Variants in SMAD7 observed in about 807,000 individuals in gnomAD.
SMAD7 encodes MAD (mothers against decapentaplegic, Drosophila) homolog 7.
Under a neutral mutation model 38.7 loss-of-function variants are expected in SMAD7, and 8 were observed. The observed-to-expected ratio is 0.21, with a 90% confidence interval of 0.12 to 0.37. The LOEUF (loss-of-function observed/expected upper bound fraction) is 0.37. SMAD7 is among the 10% of genes least tolerant of loss of function. SMAD7 has a pLI of 1.00. For missense variants in SMAD7, 477 were observed against 577.9 expected, an observed-to-expected ratio of 0.83 and a Z score of 1.79; for synonymous variants, 327 against 265.1, an observed-to-expected ratio of 1.23 and a Z score of -2.27.
In SMAD7 at chr18:48,921,051, A is replaced by G; in HGVS notation, c.*321T>C. The G allele has an allele frequency of 2.8e-6, 1 of 359,094 alleles. No individual in the cohort carries two copies. Among genetic ancestry groups the G allele is most frequent in the Non-Finnish European group, 5.2e-6 (1 of 194,070 alleles). The allele number at this position is 359,094 out of a possible 1,614,324, so 22.2% of individuals were successfully genotyped here. A position where few individuals can be genotyped will look rare whatever the true frequency, so the allele number is the denominator to read the frequency against. On this transcript the variant is annotated 3_prime_UTR_variant, in exon 4 of 4. Coordinates refer to ENST00000262158, the MANE Select transcript of SMAD7 (RefSeq NM_005904.4). The surrounding 1 kb of genome is among the most constrained non-coding windows in gnomAD (Gnocchi z 6.4). ...ACTCACACACACTCCTGACAAGTGA[A>G]ATGATGACCGCCCCCCTTCATACAC...
At chr18:48,931,953 G>A (rs943758591) in intron 3 of SMAD7, among the ~76,000 whole-genome samples, 8 of 147,344 alleles carry the variant, frequency 5.4e-5, no homozygotes, top group African/African-American at 2.1e-4. Context: ...CAGGCCCCAC[G>A]ATCCTGGGCT....
intron 3 of SMAD7, among the ~76,000 whole-genome samples, chr18:48,927,928 C>T (rs1032791221): frequency 1.3e-5 from 2 of 152,180 alleles, no homozygotes; most frequent in African/African-American, 2.4e-5. Flanking sequence ...AGTCACTGGC[C>T]GAAGTGCAGA....
chr18:48,947,896 C>A (rs1005749076), intron 2 of SMAD7, among the ~76,000 whole-genome samples: 3 of 145,302 alleles, frequency 2.1e-5, no homozygotes, highest in African/African-American at 5.4e-5. Flanking sequence ...GAACCTACCC[C>A]CCCCCCCCTT....
intron 3 of SMAD7, among the ~76,000 whole-genome samples, chr18:48,940,429 T>C (rs2070123772): frequency 6.6e-6 from 1 of 152,078 alleles, no homozygotes; most frequent in Non-Finnish European, 1.5e-5. Context: ...AGTTTCTTTC[T>C]AGGACTGGAA....
chr18:48,925,565 G>A (rs922113331), intron 3 of SMAD7, among the ~76,000 whole-genome samples: 8 of 152,110 alleles, frequency 5.3e-5, no homozygotes, highest in Admixed American at 5.2e-4. Context: ...CACTTAGCAA[G>A]GAGCTCCCTG....
At chr18:48,932,384 C>T (rs888036661) in intron 3 of SMAD7, among the ~76,000 whole-genome samples, 5 of 152,160 alleles carry the variant, frequency 3.3e-5, no homozygotes, top group Non-Finnish European at 7.3e-5. Flanking sequence ...CAGATCAAAA[C>T]GTAAGAAAGC....
At position 48,940,908 on chromosome 18, in the gene SMAD7, G is replaced by A. The variant is rs117516150; in HGVS notation, c.742+1573C>T. Among the ~76,000 whole-genome samples, 629 of 152,208 alleles carry A rather than the reference G, an allele frequency of 4.1e-3. 3 individuals carry two copies. Among genetic ancestry groups the A allele is most frequent in the Middle Eastern group, 6.8e-3 (2 of 294 alleles). ...GCACTCAGGCTGGTATCTCAGCCTG[G>A]TGTCGTCATTTCCTCCGGCAGGGGA... is the stretch of plus-strand genomic sequence containing the variant. On this transcript the variant is annotated intron_variant, in intron 3 of 3. Transcript: ENST00000262158.
intron 3 of SMAD7, among the ~76,000 whole-genome samples, chr18:48,939,477 G>C (rs1031275946): frequency 2.1e-5 from 3 of 141,442 alleles, no homozygotes; most frequent in African/African-American, 7.9e-5. Context: ...CCTTCCTCCC[G>C]GGCAGTTTGC....
rs867010056 is a variant in SMAD7 at position 48,929,575 on chromosome 18, A to T, written c.743-7665T>A. Among the ~76,000 whole-genome samples, 380 of 114,104 alleles carry T rather than the reference A, an allele frequency of 3.3e-3. 4 individuals are homozygous for T. Among genetic ancestry groups the T allele is most frequent in the African/African-American group, 0.014 (365 of 26,610 alleles). The allele number at this position is 114,104 out of a possible 152,430, so 74.9% of individuals were successfully genotyped here. ...TTCTCTCTCTCTCTCTCTCTCACTC[A>T]CACACACACACACACACACACACGT... On this transcript the variant is annotated intron_variant, in intron 3 of 3. Transcript: ENST00000262158.
At chr18:48,923,882 G>A (rs1327027678) in intron 3 of SMAD7, among the ~76,000 whole-genome samples, 1 of 152,236 alleles carries the variant, frequency 6.6e-6, no homozygotes, top group Non-Finnish European at 1.5e-5. Flanking sequence ...GACAGGGACA[G>A]GGAGAAGGTG....
chr18:48,930,152 G>C (rs1437043391), intron 3 of SMAD7: 1 of 152,074 alleles, frequency 6.6e-6, no homozygotes, highest in Non-Finnish European at 1.5e-5. Flanking sequence ...CCAATACCAG[G>C]GCCTGGCCAG....
intron 2 of SMAD7, among the ~76,000 whole-genome samples, chr18:48,943,590 A>G (rs2070165694): frequency 6.6e-6 from 1 of 152,194 alleles, no homozygotes; most frequent in Non-Finnish European, 1.5e-5. Context: ...CTGAAGTCCT[A>G]GCGGAGAGCC....
At chr18:48,949,229 C>A (rs2070232248) in intron 1 of SMAD7, 1 of 962,790 alleles carries the variant, frequency 1.0e-6, no homozygotes, top group South Asian at 4.8e-5. Context: ...AGACAGATAC[C>A]CAGTTCGGCC....
intron 2 of SMAD7, chr18:48,942,915 C>G: frequency 2.5e-6 from 1 of 403,728 alleles, no homozygotes; most frequent in Non-Finnish European, 3.7e-6. Context: ...GCTCTGTCAT[C>G]CCTCATCAAG....
intron 3 of SMAD7, among the ~76,000 whole-genome samples, chr18:48,935,417 G>A (rs928884393): frequency 2.6e-5 from 4 of 152,140 alleles, no homozygotes; most frequent in East Asian, 1.9e-4. Context: ...ACCTCCCTGT[G>A]GCTGTGCTTA....
rs758745553 is a variant in SMAD7 at position 48,931,346 on chromosome 18, G to C, written c.743-9436C>G. On this transcript the variant is annotated intron_variant, in intron 3 of 3. Transcript: ENST00000262158. The stretch of plus-strand genomic sequence containing the variant: ...TATTTTACCACAATAAAAGAAAAAG[G>C]CCTCAGCTCTCTTAAGGCTCTCCTT... Among the ~76,000 whole-genome samples the C allele has an allele frequency of 2.6e-5, 4 of 152,052 alleles. No individual in the cohort carries two copies. The South Asian group carries it at 6.2e-4, about 24-fold the overall frequency.
At chr18:48,929,569 T>TCTCTCTCACACA (rs3082710) in intron 3 of SMAD7, among the ~76,000 whole-genome samples, 2,786 of 114,590 alleles carry the variant, frequency 0.024, 60 homozygotes, top group Non-Finnish European at 0.038. Context: ...TCTCTCTCTC[T>TCTCTCTCACACA]CACTCACACA....
chr18:48,947,904 C>CCT (rs57808547), intron 2 of SMAD7, among the ~76,000 whole-genome samples: 1 of 134,868 alleles, frequency 7.4e-6, no homozygotes, highest in South Asian at 2.6e-4. Context: ...CCCCCCCCCC[C>CCT]TTTTACTGGC....
At chr18:48,946,326 C>G (rs770517606) in intron 2 of SMAD7, among the ~76,000 whole-genome samples, 1 of 151,788 alleles carries the variant, frequency 6.6e-6, no homozygotes, top group African/African-American at 2.4e-5. Context: ...TTCTCCCATA[C>G]GCAAAATGGG....
Sources: gnomAD v4.1 joint callset for allele counts (sites outside exome capture counted in the v4.1 genomes callset) on GRCh38, gnomAD v4.1.1 for gene constraint, Gnocchi (gnomAD v3.1) non-coding constraint, MANE v1.5 for transcripts, NCBI Gene and HGNC (gene_info 2026-07-23, HGNC 2026-07-21) for gene names.